Variants in TRIM66 observed in about 807,000 individuals in gnomAD.
The protein encoded by TRIM66 is tripartite motif-containing protein 66.
A neutral mutation model predicts 148.2 loss-of-function variants in TRIM66; 99 were observed. That is an observed-to-expected ratio of 0.67 (90% CI 0.57 to 0.79). TRIM66 has a LOEUF of 0.79. TRIM66 is among the 30% of genes least tolerant of loss of function. TRIM66 has a pLI of 0.00. For synonymous variants in TRIM66, 616 were observed against 635.9 expected (o/e 0.97, Z 0.47); for missense variants, 1,666 against 1,697.9 (o/e 0.98, Z 0.33).
At chr11:8,681,324 G>A (rs2039412846) in intron 1 of TRIM66, among the ~76,000 whole-genome samples, 3 of 151,872 alleles carry the variant, frequency 2.0e-5, no homozygotes, top group Non-Finnish European at 2.9e-5. Context: ...TAGTAGAGAC[G>A]GGGTTTCACC....
chr11:8,644,599 G>T (rs1218481744), intron 12 of TRIM66, among the ~76,000 whole-genome samples: 4 of 151,924 alleles, frequency 2.6e-5, no homozygotes, highest in Non-Finnish European at 4.4e-5. Context: ...CCTTCCTCCT[G>T]CTTTCTCAGT....
intron 6 of TRIM66, chr11:8,654,531 T>G (rs1458382843): frequency 2.0e-5 from 3 of 152,202 alleles, no homozygotes; most frequent in African/African-American, 7.2e-5. Flanking sequence ...TGAACATCCT[T>G]CCAGTACAAC....
At position 8,675,458 on chromosome 11, in the gene TRIM66, T is replaced by C. The variant is rs576929273; in HGVS notation, c.-189-575A>G. On this transcript the variant is annotated intron_variant, in intron 3 of 24. Coordinates refer to ENST00000646038, the MANE Select transcript of TRIM66 (RefSeq NM_001388022.1). ...AGTACAATGGCGTGATCTTGGCTCA[T>C]AGAAACCTCCACCTCCCAGGTTCAA... Among the ~76,000 whole-genome samples the C allele has an allele frequency of 2.5e-3, 385 of 152,192 alleles. 1 individual carries two copies. Among genetic ancestry groups the C allele is most frequent in the African/African-American group, 8.9e-3 (368 of 41,542 alleles).
chr11:8,629,665 A>T (rs2035208056), intron 15 of TRIM66, among the ~76,000 whole-genome samples: 1 of 152,190 alleles, frequency 6.6e-6, no homozygotes, highest in Admixed American at 6.5e-5. Flanking sequence ...AAAATTGCGG[A>T]AACTCCATGG....
chr11:8,641,299 C>A (rs764697419), intron 13 of TRIM66, 147 bp from the exon 14 acceptor site: 5 of 744,090 alleles, frequency 6.7e-6, no homozygotes, highest in Non-Finnish European at 1.1e-5. Context: ...CTCCTAGACT[C>A]GGTCTAGAAT....
chr11:8,621,803 GCTCA>G lies in TRIM66; in HGVS notation c.3093_3096del (p.Glu1032IlefsTer26). ...TCCAGTCGCACATAGGGAATCTTATGCTCACTATTGAAGGCTCTGCAGCAAGACA... is the reference window on the plus strand; with the variant it reads ...TCCAGTCGCACATAGGGAATCTTATGCTATTGAAGGCTCTGCAGCAAGACA... On this transcript the variant is annotated frameshift_variant, in exon 19 of 25. Coordinates refer to ENST00000646038, the MANE Select transcript of TRIM66 (RefSeq NM_001388022.1). LOFTEE classifies it high-confidence loss of function. The G allele has an allele frequency of 6.5e-7, 1 of 1,548,324 alleles. No homozygotes were observed.
chr11:8,620,035 CGT>C lies in TRIM66; in HGVS notation c.3747+13_3747+14del, dbSNP rs1365591166. 1 of 1,550,640 alleles carries C rather than the reference CGT, an allele frequency of 6.4e-7. No homozygotes were observed. Among genetic ancestry groups the C allele is most frequent in the Non-Finnish European group, 8.7e-7 (1 of 1,146,204 alleles). On this transcript the variant is annotated intron_variant, in intron 22 of 24. Coordinates refer to ENST00000646038, the MANE Select transcript of TRIM66 (RefSeq NM_001388022.1). ...ATGCAAGGAGAAGGTGAGAGAACAG[CGT>C]GGCCTTCCTTACCAGGGGGCTGACA...
At chr11:8,630,894 T>C (rs190462485) in intron 15 of TRIM66, among the ~76,000 whole-genome samples, 1 of 152,314 alleles carries the variant, frequency 6.6e-6, no homozygotes, top group Admixed American at 6.5e-5. Flanking sequence ...CCTCTGCTAC[T>C]AGTCACCTAT....
Position 8,648,465 on chromosome 11 carries a change from C to T in TRIM66, c.676G>A (p.Asp226Asn). ...EVLKLFCETC[D>N]MLTCHSCLVV... ...AGGCAGCTATGGCAAGTGAGCATAT[C>T]ACATGTCTCACAGAATAGCTTGAGT... Residue 226 changes from aspartate to asparagine, a missense_variant, in exon 9 of 25, where the codon GAT becomes AAT. Asp to Asn is a conservative substitution (Grantham distance 23). Around this residue, in one of 3 missense-constraint regions of TRIM66, gnomAD observed 1,431 missense variants for 1,412.4 expected, o/e 1.01. Transcript: ENST00000646038. The T allele has an allele frequency of 6.4e-7, 1 of 1,551,734 alleles. No individual in the cohort carries two copies. Among genetic ancestry groups the T allele is most frequent in the Non-Finnish European group, 8.7e-7 (1 of 1,147,012 alleles).
intron 15 of TRIM66, among the ~76,000 whole-genome samples, chr11:8,625,557 C>T (rs889310472): frequency 2.0e-5 from 3 of 151,754 alleles, no homozygotes; most frequent in African/African-American, 7.3e-5. Flanking sequence ...CACACACAGA[C>T]ACACACACAG....
chr11:8,636,819 T>C (rs2035919935), intron 15 of TRIM66, among the ~76,000 whole-genome samples: 1 of 152,170 alleles, frequency 6.6e-6, no homozygotes, highest in Non-Finnish European at 1.5e-5. Flanking sequence ...CACTTACTCC[T>C]CACATCCCCC....
intron 18 of TRIM66, 118 bp from the exon 19 acceptor site, chr11:8,621,937 T>C: frequency 1.9e-6 from 2 of 1,045,672 alleles, no homozygotes; most frequent in East Asian, 2.8e-5. Context: ...TTGATTGGAT[T>C]GAAGGATACA....
chr11:8,646,287 C>G (rs550328843), intron 11 of TRIM66, among the ~76,000 whole-genome samples, 160 bp downstream of exon 11: 2 of 152,042 alleles, frequency 1.3e-5, no homozygotes, highest in Admixed American at 6.5e-5. Flanking sequence ...AATGAGCCAC[C>G]CTCCCAAAAT....
At chr11:8,645,908 G>C in intron 11 of TRIM66, 21 bp from the exon 12 acceptor site, 1 of 1,550,650 alleles carries the variant, frequency 6.4e-7, no homozygotes, top group Non-Finnish European at 8.7e-7. Flanking sequence ...AGAGAAGACA[G>C]AGTCCTTGAT....
In TRIM66 at chr11:8,618,959, C is replaced by T. The variant is rs1313317277; in HGVS notation, c.3910G>A (p.Glu1304Lys). 3.9e-6 allele frequency: 6 copies of T among 1,551,416 alleles called. No homozygotes were observed. The highest frequency in any genetic ancestry group is 1.2e-5 in the South Asian group (1 of 84,044). Residue 1304 changes from glutamate (E) to lysine (K), a missense_variant, in exon 24 of 25, where the codon GAG becomes AAG. This residue lies in a region of TRIM66 where 204 missense variants were observed against 231.0 expected (regional missense o/e 0.88). Coordinates refer to ENST00000646038, the MANE Select transcript of TRIM66 (RefSeq NM_001388022.1). ...AGGCAGCGGCCAGCCTCTGCAACCT[C>T]GGAGTCAGGCTGATGGGGGAGGAGA... ...NCAKFNYPDS[E>K]VAEAGRCLEV...
chr11:8,651,740 G>C (rs2037378200), intron 7 of TRIM66, 60 bp downstream of exon 7: 1 of 1,320,564 alleles, frequency 7.6e-7, no homozygotes, highest in African/African-American at 1.5e-5. Context: ...AAGACTTATG[G>C]ACAGGGGCCT....
chr11:8,674,262 C>T (rs965779773), intron 4 of TRIM66, among the ~76,000 whole-genome samples: 1 of 152,198 alleles, frequency 6.6e-6, no homozygotes. Flanking sequence ...CTATTTACCA[C>T]ATTAGAAGTT....
Position 8,625,463 on chromosome 11 carries a change from T to TTGTGTGTGTGTG in TRIM66, c.2311-247_2311-236dup, listed in dbSNP as rs147088164. The stretch of plus-strand genomic sequence containing the variant: ...AGAGAGAGGCACAAGCGGAGAACTA[T>TTGTGTGTGTGTG]TGTGTGTGTGTGTGTGTGTGTGTGT... On this transcript the variant is annotated intron_variant, in intron 15 of 24. Coordinates refer to ENST00000646038, the MANE Select transcript of TRIM66 (RefSeq NM_001388022.1). Among the ~76,000 whole-genome samples, 1,138 of 148,220 alleles carry TTGTGTGTGTGTG rather than the reference T, an allele frequency of 7.7e-3. 4 individuals carry two copies. Among genetic ancestry groups the TTGTGTGTGTGTG allele is most frequent in the South Asian group, 0.021 (94 of 4,508 alleles).
At chr11:8,634,029 T>A (rs576732449) in intron 15 of TRIM66, among the ~76,000 whole-genome samples, 1 of 152,332 alleles carries the variant, frequency 6.6e-6, no homozygotes, top group South Asian at 2.1e-4. Flanking sequence ...TCCTAAGCCA[T>A]GAGCCGCATG....
Sources: gnomAD v4.1 joint callset for allele counts (sites outside exome capture counted in the v4.1 genomes callset) on GRCh38, gnomAD v4.1.1 for gene constraint, gnomAD v4.1.1 regional missense constraint, MANE v1.5 for transcripts, NCBI Gene and HGNC (gene_info 2026-07-23, HGNC 2026-07-21) for gene names.